ZNF362: variants seen among roughly 807,000 people sequenced by gnomAD.
ZNF362 encodes rotund homolog.
Under a neutral mutation model 42.9 loss-of-function variants are expected in ZNF362, and 11 were observed. That is an observed-to-expected ratio of 0.26 (90% CI 0.16 to 0.42). ZNF362 has a LOEUF of 0.42. ZNF362 is among the 20% of genes least tolerant of loss of function. The pLI, the probability that ZNF362 is intolerant of heterozygous loss-of-function variation, is 1.00. For synonymous variants in ZNF362, 255 were observed against 257.3 expected, an observed-to-expected ratio of 0.99 and a Z score of 0.09; for missense variants, 362 against 576.2, an observed-to-expected ratio of 0.63 and a Z score of 3.81.
At chr1:33,196,703 T>G in the ZNF362 span, among the ~76,000 whole-genome samples, 2 of 152,196 alleles carry the variant, frequency 1.3e-5, no homozygotes, top group Non-Finnish European at 2.9e-5. Flanking sequence ...TAACAGCTGT[T>G]TATTATAATT....
the ZNF362 span, among the ~76,000 whole-genome samples, chr1:33,155,587 C>A: frequency 6.6e-6 from 1 of 152,068 alleles, no homozygotes; most frequent in African/African-American, 2.4e-5. Flanking sequence ...CTCTGGGGCC[C>A]GACGTTGGGG....
At chr1:33,133,387 T>A in the ZNF362 span, among the ~76,000 whole-genome samples, 138 of 152,338 alleles carry the variant, frequency 9.1e-4, no homozygotes, top group Non-Finnish European at 1.8e-3. Context: ...TTCCTGGGTG[T>A]TTTGCACAAT....
At chr1:33,256,960 C>T (rs1371709219) in intron 1 of ZNF362, among the ~76,000 whole-genome samples, 1 of 151,880 alleles carries the variant, frequency 6.6e-6, no homozygotes, top group East Asian at 1.9e-4. Context: ...TTAAGCCGGG[C>T]TATTCAAACC....
At chr1:33,264,936 T>C (rs1182026445) in intron 1 of ZNF362, among the ~76,000 whole-genome samples, 1 of 152,102 alleles carries the variant, frequency 6.6e-6, no homozygotes, top group East Asian at 1.9e-4. Flanking sequence ...TGTCCGTTCA[T>C]GTTCTAAGCA....
At chr1:33,233,758 T>G in the ZNF362 span, among the ~76,000 whole-genome samples, 1 of 152,094 alleles carries the variant, frequency 6.6e-6, no homozygotes, top group African/African-American at 2.4e-5. Context: ...CCCCTGAGAC[T>G]TTGTGCCTCT....
the ZNF362 span, among the ~76,000 whole-genome samples, chr1:33,172,027 C>G: frequency 6.6e-6 from 1 of 152,154 alleles, no homozygotes; most frequent in African/African-American, 2.4e-5. Flanking sequence ...AGTGATCTGC[C>G]TACCTTGGCC....
the ZNF362 span, among the ~76,000 whole-genome samples, chr1:33,189,718 T>TATATATATATATATATATATATATATAC: frequency 7.9e-6 from 1 of 125,810 alleles, no homozygotes; most frequent in African/African-American, 3.2e-5. Flanking sequence ...CGTATATATA[T>TATATATATATATATATATATATATATAC]ACATACACAC....
At chr1:33,242,122 G>C in the ZNF362 span, among the ~76,000 whole-genome samples, 4 of 152,156 alleles carry the variant, frequency 2.6e-5, no homozygotes, top group Non-Finnish European at 5.9e-5. Context: ...GGATGAGCAG[G>C]GGGAGGTGTG....
At chr1:33,249,680 T>G in the ZNF362 span, among the ~76,000 whole-genome samples, 11 of 152,288 alleles carry the variant, frequency 7.2e-5, no homozygotes, top group South Asian at 2.1e-3. Context: ...ACTTTTCATC[T>G]GGGTCATAAC....
the ZNF362 span, chr1:33,146,751 G>A: frequency 9.8e-6 from 2 of 205,022 alleles, no homozygotes; most frequent in East Asian, 2.4e-4. Context: ...CTTGGTCAGG[G>A]GTAAGTCTTA....
chr1:33,212,175 C>T, the ZNF362 span, among the ~76,000 whole-genome samples: 1 of 152,134 alleles, frequency 6.6e-6, no homozygotes, highest in African/African-American at 2.4e-5. Context: ...GACATGCCTG[C>T]TTCCCCTTCA....
At chr1:33,156,115 C>A in the ZNF362 span, among the ~76,000 whole-genome samples, 2 of 152,198 alleles carry the variant, frequency 1.3e-5, no homozygotes, top group African/African-American at 4.8e-5. Flanking sequence ...TGCAGCAGAT[C>A]GCAGTCAAGG....
chr1:33,272,160 G>C (rs577664139), intron 2 of ZNF362, among the ~76,000 whole-genome samples: 1 of 152,204 alleles, frequency 6.6e-6, no homozygotes, highest in Non-Finnish European at 1.5e-5. Flanking sequence ...CCTTCTCCAA[G>C]GGGCCAGGTG....
chr1:33,195,887 C>T, the ZNF362 span: 2 of 151,898 alleles, frequency 1.3e-5, no homozygotes, highest in Admixed American at 1.3e-4. Flanking sequence ...TTAACCTTAG[C>T]TTTCTGTAAC....
chr1:33,251,012 T>C, the ZNF362 span, among the ~76,000 whole-genome samples: 2 of 152,144 alleles, frequency 1.3e-5, no homozygotes, highest in African/African-American at 4.8e-5. Context: ...GAGAGGGACA[T>C]TTAAGCCGAC....
the ZNF362 span, chr1:33,180,910 G>C: frequency 3.3e-5 from 13 of 392,046 alleles, no homozygotes; most frequent in South Asian, 2.1e-4. Context: ...TGGCGGCCCC[G>C]CCCCAGGACC....
At chr1:33,147,773 G>A in the ZNF362 span, 2 of 1,576,240 alleles carry the variant, frequency 1.3e-6, no homozygotes, top group Non-Finnish European at 8.6e-7. This position sits in a 1 kb window ranked among gnomAD's most constrained non-coding sequence, Gnocchi z 8.1. Context: ...GGAGAAGGCT[G>A]TGGACCCACC....
intron 1 of ZNF362, among the ~76,000 whole-genome samples, chr1:33,261,050 T>A (rs1645825055): frequency 6.6e-6 from 1 of 152,148 alleles, no homozygotes. Flanking sequence ...AATATTAACA[T>A]ATTTACAGGT....
chr1:33,279,026 A>T (rs1192789642), intron 4 of ZNF362, among the ~76,000 whole-genome samples: 1 of 152,080 alleles, frequency 6.6e-6, no homozygotes, highest in Non-Finnish European at 1.5e-5. Context: ...ATTTATTTAA[A>T]TTAATTATTT....
Sources: allele counts gnomAD v4.1 joint callset (sites outside exome capture counted in the v4.1 genomes callset), GRCh38; gene constraint gnomAD v4.1.1; non-coding constraint Gnocchi (gnomAD v3.1); transcripts MANE v1.5; gene names NCBI Gene and HGNC (gene_info 2026-07-23, HGNC 2026-07-21).